The following DNTTIP2 variants were observed in gnomAD, a reference collection of about 807,000 sequenced individuals.
DNTTIP2 encodes the protein deoxynucleotidyltransferase terminal-interacting protein 2.
A neutral mutation model predicts 62.4 loss-of-function variants in DNTTIP2; 47 were observed. The ratio of observed to expected loss-of-function variants is 0.75; its 90% confidence interval spans 0.60 to 0.96. The LOEUF is 0.96. Ranked by LOEUF, DNTTIP2 falls within the 40% of genes least tolerant of loss-of-function variation. The pLI, the probability that DNTTIP2 is intolerant of heterozygous loss-of-function variation, is 0.00. For missense variants in DNTTIP2, 870 were observed against 849.1 expected (o/e 1.02, Z -0.31); for synonymous variants, 322 against 300.9 (o/e 1.07, Z -0.73).
At position 93,873,130 on chromosome 1, in the gene DNTTIP2, T is replaced by C; in HGVS notation, c.1891A>G (p.Lys631Glu). Residue 631 changes from lysine (K) to glutamate (E), a missense_variant, in exon 4 of 7, where the codon AAA becomes GAA. By Grantham distance (56) the Lys-to-Glu change is moderately conservative. Coordinates refer to ENST00000436063, the MANE Select transcript of DNTTIP2 (RefSeq NM_014597.5). ...PYSESKYQLQKKRRKERQKTA... is the reference protein window; with the variant it reads ...PYSESKYQLQEKRRKERQKTA... The stretch of plus-strand genomic sequence containing the variant: ...GTCACTGTACTTACTCTGCGTTTTT[T>C]CTGAAGTTGATACTTTGATTCACTA... The C allele has an allele frequency of 6.2e-7, 1 of 1,610,218 alleles. No homozygotes were observed. Among genetic ancestry groups the C allele is most frequent in the Non-Finnish European group, 8.5e-7 (1 of 1,177,902 alleles).
In DNTTIP2 at chr1:93,876,997, A is replaced by C. The variant is rs762082007; in HGVS notation, c.938T>G (p.Ile313Ser). The change falls in exon 2 of 7, where the codon ATT (isoleucine) becomes AGT (serine). Residue 313 changes from isoleucine to serine, a missense_variant. Ile to Ser is a moderately radical substitution (Grantham distance 142). Transcript: ENST00000436063. ...ANGITDEGKE[I>S]NEKSSQLKNL... Reference sequence around the variant, plus strand: ...CTTCAGCTGAGAACTTTTCTCATTAATTTCTTTCCCCTCATCTGTTATTCC... The same window carrying C: ...CTTCAGCTGAGAACTTTTCTCATTACTTTCTTTCCCCTCATCTGTTATTCC... 3.1e-6 allele frequency: 5 copies of C among 1,612,924 alleles called. No homozygotes were observed. In the South Asian group the frequency reaches 5.5e-5, roughly 18 times the overall value.
chr1:93,872,978 C>T (rs1655909440), intron 4 of DNTTIP2, 141 bp downstream of exon 4: 2 of 542,156 alleles, frequency 3.7e-6, no homozygotes, highest in Admixed American at 3.6e-5. Flanking sequence ...CTATATTTTA[C>T]AGCCCTTAGA....
At chr1:93,870,389 C>T (rs146970121) in intron 6 of DNTTIP2, among the ~76,000 whole-genome samples, 220 of 152,236 alleles carry the variant, frequency 1.4e-3, no homozygotes, top group African/African-American at 5.0e-3. Flanking sequence ...ACTATTTTCT[C>T]AAGAATACTA....
rs1655728095 is a variant in DNTTIP2, at chr1:93,866,511, T to C, written c.*3340A>G. On this transcript the variant is annotated 3_prime_UTR_variant, in exon 7 of 7. Coordinates refer to ENST00000436063, the MANE Select transcript of DNTTIP2 (RefSeq NM_014597.5). ...ACTGCCTGAGAGACTGAATACCTGG[T>C]ACATCTCTCAGAAATGTTAACTTTT... 1 of 152,244 alleles carries C rather than the reference T, an allele frequency of 6.6e-6. No homozygotes were observed. The highest frequency in any genetic ancestry group is 2.4e-5 in the African/African-American group (1 of 41,464). The allele number at this position is 152,244 out of a possible 1,614,324, so 9.4% of individuals were successfully genotyped here.
At position 93,872,103 on chromosome 1, in the gene DNTTIP2, T is replaced by C. The variant is rs757456167; in HGVS notation, c.2036A>G (p.Asn679Ser). The C allele has an allele frequency of 1.2e-6, 2 of 1,613,718 alleles. No individual in the cohort carries two copies. Among genetic ancestry groups the C allele is most frequent in the Admixed American group, 1.7e-5 (1 of 60,000 alleles). Reference sequence around the variant, plus strand: ...GTACTTGGGGAAGCCATCTCTATCATTTTTCTTGTAAAATCTTTTCGGGTC... The same window carrying C: ...GTACTTGGGGAAGCCATCTCTATCACTTTTCTTGTAAAATCTTTTCGGGTC... ...SMDPKRFYKK[N>S]DRDGFPKYFQ... The change falls in exon 5 of 7, where the codon AAT (asparagine) becomes AGT (serine). Residue 679 changes from asparagine to serine, a missense_variant. Physicochemically the swap from Asn to Ser is conservative, Grantham distance 46. Transcript: ENST00000436063.
At chr1:93,878,467 A>G (rs1656072907) in intron 1 of DNTTIP2, 2 of 154,308 alleles carry the variant, frequency 1.3e-5, no homozygotes, top group Admixed American at 1.3e-4. Context: ...ACCCACCTAT[A>G]GAAGAGGGGA....
Position 93,870,800 on chromosome 1 carries a change from CAATT to C in DNTTIP2, c.2068-12_2068-9del. 4 of 1,484,382 alleles carry C rather than the reference CAATT, an allele frequency of 2.7e-6. No individual in the cohort carries two copies. The highest frequency in any genetic ancestry group is 1.4e-5 in the African/African-American group (1 of 72,434). The allele number at this position is 1,484,382 out of a possible 1,614,324, so 92.0% of individuals were successfully genotyped here. On this transcript the variant is annotated splice_polypyrimidine_tract_variant and intron_variant, in intron 5 of 6. Transcript: ENST00000436063. The stretch of plus-strand genomic sequence containing the variant: ...GTCAACAATGGTTCCAATCTGTGAA[CAATT>C]GATTGAAATAAGTCATGCATTGAGT...
intron 4 of DNTTIP2, among the ~76,000 whole-genome samples, chr1:93,872,571 A>T (rs1266870086): frequency 6.6e-6 from 1 of 152,206 alleles, no homozygotes; most frequent in Non-Finnish European, 1.5e-5. Context: ...AAGAAAATGT[A>T]TAAAAACACT....
At chr1:93,870,067 A>G in intron 6 of DNTTIP2, 123 bp from the exon 7 acceptor site, 1 of 592,588 alleles carries the variant, frequency 1.7e-6, no homozygotes, top group Non-Finnish European at 3.0e-6. Context: ...ACCTCATAGC[A>G]CTTGCTTGCA....
Position 93,877,400 on chromosome 1 carries a change from G to C in DNTTIP2, c.535C>G (p.His179Asp). The part of the protein sequence containing the change: ...KSLTDPSQES[H>D]TEAISDAETS... ...TCAGCATCAGATATAGCTTCTGTAT[G>C]AGATTCTTGGCTTGGATCTGTCAGA... Residue 179 changes from histidine (H) to aspartate (D), a missense_variant, in exon 2 of 7, where the codon CAT becomes GAT. By Grantham distance (81) the His-to-Asp change is moderately conservative. Transcript: ENST00000436063. The C allele has an allele frequency of 5.0e-6, 8 of 1,613,822 alleles. No individual in the cohort carries two copies. The highest frequency in any genetic ancestry group is 6.8e-6 in the Non-Finnish European group (8 of 1,179,888).
chr1:93,871,521 G>A (rs1655862681), intron 5 of DNTTIP2, among the ~76,000 whole-genome samples: 1 of 152,158 alleles, frequency 6.6e-6, no homozygotes, highest in Admixed American at 6.5e-5. Context: ...ATTATGCAGG[G>A]ACTGGTATGT....
intron 3 of DNTTIP2, among the ~76,000 whole-genome samples, chr1:93,874,577 T>A (rs560245617): frequency 6.6e-6 from 1 of 152,158 alleles, no homozygotes; most frequent in Non-Finnish European, 1.5e-5. Flanking sequence ...GTGGCAAGAA[T>A]AGAGCAGATG....
chr1:93,869,560 T>C lies in DNTTIP2; in HGVS notation c.*291A>G, dbSNP rs1190274404. On this transcript the variant is annotated 3_prime_UTR_variant, in exon 7 of 7. Coordinates refer to ENST00000436063, the MANE Select transcript of DNTTIP2 (RefSeq NM_014597.5). ...CTTCCTATCTTTTAATTAAATTTTCTTTAAATAACTAAGCATTGAAAACTT... is the reference window on the plus strand; with the variant it reads ...CTTCCTATCTTTTAATTAAATTTTCCTTAAATAACTAAGCATTGAAAACTT... 1 of 273,754 alleles carries C rather than the reference T, an allele frequency of 3.7e-6. No homozygotes were observed. Among genetic ancestry groups the C allele is most frequent in the East Asian group, 7.3e-5 (1 of 13,648 alleles). 17.0% of individuals were successfully genotyped at this position (273,754 alleles called of 1,614,324 possible).
Position 93,869,670 on chromosome 1 carries a change from A to G in DNTTIP2, c.*181T>C, listed in dbSNP as rs1655807856. Reference sequence around the variant, plus strand: ...GTCTACACCAGGGTGGGTCTTTTAGACACCCCTATTTTCTAAGGGCATGTA... The same window carrying G: ...GTCTACACCAGGGTGGGTCTTTTAGGCACCCCTATTTTCTAAGGGCATGTA... On this transcript the variant is annotated 3_prime_UTR_variant, in exon 7 of 7. Coordinates refer to ENST00000436063, the MANE Select transcript of DNTTIP2 (RefSeq NM_014597.5). 1.9e-6 allele frequency: 1 copy of G among 533,310 alleles called. No homozygotes were observed. The highest frequency in any genetic ancestry group is 3.1e-5 in the South Asian group (1 of 32,046). 33.0% of individuals were successfully genotyped at this position (533,310 alleles called of 1,614,324 possible). A position where few individuals can be genotyped will look rare whatever the true frequency, so the allele number is the denominator to read the frequency against.
In DNTTIP2 at chr1:93,871,453, G is replaced by C. The variant is rs932151573; in HGVS notation, c.2067+619C>G. Reference sequence around the variant, plus strand: ...TTAACAAAGAATGACAATTTAGCTTGAATTTGTATGGGTAAAATTTCACCA... The same window carrying C: ...TTAACAAAGAATGACAATTTAGCTTCAATTTGTATGGGTAAAATTTCACCA... On this transcript the variant is annotated intron_variant, in intron 5 of 6. Coordinates refer to ENST00000436063, the MANE Select transcript of DNTTIP2 (RefSeq NM_014597.5). 6.6e-5 allele frequency among the ~76,000 whole-genome samples: 10 copies of C among 151,928 alleles called. No homozygotes were observed. In the East Asian group the frequency reaches 1.9e-3, roughly 29 times the overall value.
chr1:93,879,054 G>A (rs1464278054), intron 1 of DNTTIP2, 23 bp downstream of exon 1: 6 of 1,612,826 alleles, frequency 3.7e-6, no homozygotes, highest in Non-Finnish European at 5.1e-6. Context: ...GCGGCGAGAA[G>A]TAGGGAAGAC....
Position 93,877,396 on chromosome 1 carries a change from G to A in DNTTIP2, c.539C>T (p.Thr180Ile). 6.2e-7 allele frequency: 1 copy of A among 1,613,820 alleles called. No homozygotes were observed. Among genetic ancestry groups the A allele is most frequent in the African/African-American group, 1.3e-5 (1 of 75,056 alleles). The change falls in exon 2 of 7, where the codon ACA (threonine) becomes ATA (isoleucine). Residue 180 changes from threonine (T) to isoleucine (I), a missense_variant. By Grantham distance (89) the Thr-to-Ile change is moderately conservative. Transcript: ENST00000436063. ...TGTCTCAGCATCAGATATAGCTTCT[G>A]TATGAGATTCTTGGCTTGGATCTGT... ...SLTDPSQESHTEAISDAETSS... is the reference protein window; with the variant it reads ...SLTDPSQESHIEAISDAETSS...
rs1161959951 is a variant in DNTTIP2 at position 93,877,208 on chromosome 1, G to C, written c.727C>G (p.Gln243Glu). ...PVNSEDSDTR[Q>E]TSHLQARSLS... is the part of the protein sequence containing the mutation. ...GATCTTGCTTGTAAATGGGAAGTTT[G>C]TCTGGTATCTGAATCCTCTGAATTC... Residue 243 changes from glutamine (Q) to glutamate (E), a missense_variant, in exon 2 of 7, where the codon CAA becomes GAA. By Grantham distance (29) the Gln-to-Glu change is conservative. Transcript: ENST00000436063. 3 of 1,613,698 alleles carry C rather than the reference G, an allele frequency of 1.9e-6. No homozygotes were observed. In the African/African-American group the frequency reaches 4.0e-5, roughly 22 times the overall value.
rs1248404209 is a variant in DNTTIP2 at position 93,869,173 on chromosome 1, G to A, written c.*678C>T. 2.0e-5 allele frequency: 3 copies of A among 149,372 alleles called. No individual in the cohort carries two copies. Among genetic ancestry groups the A allele is most frequent in the Non-Finnish European group, 4.4e-5 (3 of 67,634 alleles). 9.3% of individuals were successfully genotyped at this position (149,372 alleles called of 1,614,324 possible). A position where few individuals can be genotyped will look rare whatever the true frequency, so the allele number is the denominator to read the frequency against. On this transcript the variant is annotated 3_prime_UTR_variant, in exon 7 of 7. Transcript: ENST00000436063. The stretch of plus-strand genomic sequence containing the variant: ...TGCATACTGTACCACTGGAGAAGAG[G>A]TAAGCTGGGTTAACTTCGAAGAAAC...
Sources: gnomAD v4.1 joint callset for allele counts (sites outside exome capture counted in the v4.1 genomes callset) on GRCh38, gnomAD v4.1.1 for gene constraint, MANE v1.5 for transcripts, NCBI Gene and HGNC (gene_info 2026-07-23, HGNC 2026-07-21) for gene names.